The following DNAJC1 variants were observed in gnomAD, a reference collection of about 807,000 sequenced individuals.
The protein encoded by DNAJC1 is dnaJ homolog subfamily C member 1.
Under a neutral mutation model 76.6 loss-of-function variants are expected in DNAJC1, and 58 were observed. The ratio of observed to expected loss-of-function variants is 0.76; its 90% CI spans 0.61 to 0.94. The LOEUF (loss-of-function observed/expected upper bound fraction) is 0.94. DNAJC1 is among the 40% of genes least tolerant of loss of function. DNAJC1 has a pLI of 0.00. For missense variants in DNAJC1, 689 were observed against 677.3 expected (o/e 1.02, Z -0.19); for synonymous variants, 258 against 267.9 (o/e 0.96, Z 0.36).
intron 8 of DNAJC1, among the ~76,000 whole-genome samples, chr10:21,867,657 C>T (rs1397617755): frequency 6.6e-6 from 1 of 152,102 alleles, no homozygotes. Flanking sequence ...CAACTGGTTC[C>T]CACATGGCAC....
At chr10:21,900,598 C>A (rs947294218) in intron 7 of DNAJC1, among the ~76,000 whole-genome samples, 1 of 152,082 alleles carries the variant, frequency 6.6e-6, no homozygotes, top group African/African-American at 2.4e-5. Context: ...TTATACTGTA[C>A]CCTAGGTAAA....
intron 10 of DNAJC1, among the ~76,000 whole-genome samples, chr10:21,764,421 C>T (rs1232531342): frequency 1.3e-5 from 2 of 152,272 alleles, no homozygotes; most frequent in East Asian, 1.9e-4. Flanking sequence ...TATTAGCGAA[C>T]ATTTCTTTCC....
chr10:21,853,930 G>C (rs1042286734), intron 8 of DNAJC1, among the ~76,000 whole-genome samples: 2 of 151,338 alleles, frequency 1.3e-5, no homozygotes, highest in African/African-American at 2.4e-5. Flanking sequence ...AATATGGGAA[G>C]ATACTCCCAG....
At chr10:21,770,584 A>T (rs2131621131) in intron 9 of DNAJC1, among the ~76,000 whole-genome samples, 1 of 151,992 alleles carries the variant, frequency 6.6e-6, no homozygotes, top group East Asian at 1.9e-4. Context: ...TTTTTAGTAG[A>T]GATGGGGTTT....
At chr10:21,772,321 G>T (rs1589974279) in intron 9 of DNAJC1, among the ~76,000 whole-genome samples, 1 of 80,810 alleles carries the variant, frequency 1.2e-5, no homozygotes, top group Admixed American at 1.6e-4. Context: ...TTAAATGTTT[G>T]GTAGAATTCA....
intron 1 of DNAJC1, among the ~76,000 whole-genome samples, chr10:21,989,393 C>T (rs1439578948): frequency 6.6e-6 from 1 of 152,086 alleles, no homozygotes; most frequent in African/African-American, 2.4e-5. Flanking sequence ...ACTTGTTAAG[C>T]ATCTCTGTAG....
intron 8 of DNAJC1, among the ~76,000 whole-genome samples, chr10:21,851,109 T>G (rs1409126666): frequency 6.6e-6 from 1 of 152,182 alleles, no homozygotes; most frequent in Non-Finnish European, 1.5e-5. Context: ...GACAATGCAT[T>G]CTTAGTCCAA....
chr10:21,894,334 GC>G (rs2094306360), intron 7 of DNAJC1, among the ~76,000 whole-genome samples: 1 of 152,158 alleles, frequency 6.6e-6, no homozygotes. Flanking sequence ...ACTTAGGGAG[GC>G]CAAGGCAAGT....
chr10:21,945,725 A>G (rs767817261), intron 1 of DNAJC1, among the ~76,000 whole-genome samples: 70 of 152,216 alleles, frequency 4.6e-4, no homozygotes, highest in Middle Eastern at 3.4e-3. Context: ...GCATGAGGGT[A>G]CAAGTTGATA....
At chr10:21,935,890 G>A (rs181074658) in intron 1 of DNAJC1, among the ~76,000 whole-genome samples, 136 of 152,100 alleles carry the variant, frequency 8.9e-4, no homozygotes, top group African/African-American at 3.1e-3. Context: ...AATAAATTAT[G>A]ATATCCCAGT....
At chr10:21,880,798 G>C (rs1032126890) in intron 8 of DNAJC1, among the ~76,000 whole-genome samples, 3 of 152,148 alleles carry the variant, frequency 2.0e-5, no homozygotes, top group African/African-American at 7.2e-5. Context: ...TCAACTTAAA[G>C]TTACCAGCTG....
chr10:21,759,579 T>G lies in DNAJC1; in HGVS notation c.1187A>C (p.Asn396Thr). The change falls in exon 11 of 12, where the codon AAT becomes ACT. Residue 396 changes from asparagine (N) to threonine (T), a missense_variant. Transcript: ENST00000376980. ...GGTGGCCGTTTTGATGGGCCTGGAA[T>G]TCTGAACTGTCGATTTGAGTTCGGA... Reference protein sequence around the residue: ...RLSELKSTVQNSRPIKTATTL... With the variant: ...RLSELKSTVQTSRPIKTATTL... The G allele has an allele frequency of 1.2e-6, 2 of 1,614,122 alleles. No individual in the cohort carries two copies. Among genetic ancestry groups the G allele is most frequent in the Non-Finnish European group, 1.7e-6 (2 of 1,180,036 alleles).
intron 7 of DNAJC1, among the ~76,000 whole-genome samples, chr10:21,892,018 T>C (rs1836470339): frequency 6.6e-6 from 1 of 151,872 alleles, no homozygotes; most frequent in African/African-American, 2.4e-5. Flanking sequence ...ATACTATAAA[T>C]AAAGAAGGTA....
intron 8 of DNAJC1, among the ~76,000 whole-genome samples, chr10:21,837,797 C>T (rs1361582483): frequency 1.4e-5 from 2 of 145,590 alleles, no homozygotes; most frequent in Admixed American, 6.7e-5. Flanking sequence ...AGCCCCCGCC[C>T]GGCCAGCCGC....
At chr10:21,812,060 A>ATTT (rs1338290273) in intron 8 of DNAJC1, among the ~76,000 whole-genome samples, 1 of 141,526 alleles carries the variant, frequency 7.1e-6, no homozygotes, top group East Asian at 2.0e-4. Flanking sequence ...ATGACAAATG[A>ATTT]TTTTTTTTTT....
chr10:21,941,268 C>CAA (rs11435502), intron 1 of DNAJC1, among the ~76,000 whole-genome samples: 3,195 of 43,432 alleles, frequency 0.074, 439 homozygotes, highest in African/African-American at 0.085. Flanking sequence ...GACACTGTCT[C>CAA]AAAAAAAAAA....
At chr10:21,895,280 G>A (rs1043312984) in intron 7 of DNAJC1, among the ~76,000 whole-genome samples, 3 of 152,180 alleles carry the variant, frequency 2.0e-5, no homozygotes, top group Admixed American at 6.5e-5. Flanking sequence ...CAGAATGCTC[G>A]TAGAAATATG....
At chr10:21,811,652 A>G (rs1034813297) in intron 8 of DNAJC1, among the ~76,000 whole-genome samples, 11 of 152,214 alleles carry the variant, frequency 7.2e-5, no homozygotes, top group Admixed American at 3.3e-4. Flanking sequence ...CTCAACACAT[A>G]TCAGAAGAAA....
Position 21,918,760 on chromosome 10 carries a change from TA to T in DNAJC1, c.729+18del, listed in dbSNP as rs1423513479. ...TAAAAATAAAAGATCTAATGTTATATAAAAGAGGTACATTTTACCTGGATGA... is the reference window on the plus strand; with the variant it reads ...TAAAAATAAAAGATCTAATGTTATATAAAGAGGTACATTTTACCTGGATGA... On this transcript the variant is annotated intron_variant, in intron 6 of 11. Coordinates refer to ENST00000376980, the MANE Select transcript of DNAJC1 (RefSeq NM_022365.4). 3.2e-6 allele frequency: 5 copies of T among 1,562,350 alleles called. No homozygotes were observed. In the South Asian group the frequency reaches 5.6e-5, roughly 17 times the overall value.
Sources: allele counts gnomAD v4.1 joint callset (sites outside exome capture counted in the v4.1 genomes callset), GRCh38; gene constraint gnomAD v4.1.1; transcripts MANE v1.5; gene names NCBI Gene and HGNC (gene_info 2026-07-23, HGNC 2026-07-21).